Variants in ADRA1A observed in about 807,000 individuals in gnomAD.
ADRA1A encodes adrenoceptor alpha 1A, also known as alpha-1A adrenergic receptor.
ADRA1A carries 31 observed loss-of-function variants against 29.6 expected under a neutral mutation model. The observed-to-expected ratio is 1.05, with a 90% CI of 0.79 to 1.41. The LOEUF (loss-of-function observed/expected upper bound fraction) is 1.41. Ranked by LOEUF, ADRA1A falls within the 40% of genes most tolerant of loss-of-function variation. ADRA1A has a pLI of 0.00. For synonymous variants in ADRA1A, 311 were observed against 254.3 expected, an observed-to-expected ratio of 1.22 and a Z score of -2.12; for missense variants, 619 against 601.1, an observed-to-expected ratio of 1.03 and a Z score of -0.31.
At chr8:26,807,911 A>T (rs772467448) in intron 2 of ADRA1A, among the ~76,000 whole-genome samples, 3 of 152,120 alleles carry the variant, frequency 2.0e-5, no homozygotes, top group Non-Finnish European at 4.4e-5. Flanking sequence ...TCTCTACACC[A>T]TCACCTCCTG....
chr8:26,772,279 T>C (rs1234771551), intron 2 of ADRA1A: 1 of 152,258 alleles, frequency 6.6e-6, no homozygotes, highest in Non-Finnish European at 1.5e-5. Context: ...TGTTCTTTAT[T>C]CTCTGATTCT....
intron 2 of ADRA1A, among the ~76,000 whole-genome samples, chr8:26,861,184 T>A (rs925364080): frequency 9.2e-5 from 14 of 152,104 alleles, no homozygotes; most frequent in African/African-American, 3.4e-4. Flanking sequence ...CTTGAAACAT[T>A]TTCACTAGGC....
At chr8:26,799,286 G>A (rs1234779387) in intron 2 of ADRA1A, among the ~76,000 whole-genome samples, 1 of 152,098 alleles carries the variant, frequency 6.6e-6, no homozygotes, top group Admixed American at 6.6e-5. Context: ...TCTCCTTCAG[G>A]GCATTTTCTA....
At position 26,831,460 on chromosome 8, in the gene ADRA1A, G is replaced by T. The variant is rs1014850815; in HGVS notation, c.883+32627C>A. On this transcript the variant is annotated intron_variant, in intron 2 of 2. Transcript: ENST00000380573. This position sits in a 1 kb window ranked among gnomAD's most constrained non-coding sequence, Gnocchi z 5.2. ...GCAGACTGATACTGAGCTCTGCTGG[G>T]ATTGCCCAGTACCAACCCCCTGCCC... Among the ~76,000 whole-genome samples the T allele has an allele frequency of 6.6e-6, 1 of 152,138 alleles. No homozygotes were observed. Among genetic ancestry groups the T allele is most frequent in the African/African-American group, 2.4e-5 (1 of 41,438 alleles).
chr8:26,845,477 G>T (rs1312816851), intron 2 of ADRA1A, among the ~76,000 whole-genome samples: 2 of 152,184 alleles, frequency 1.3e-5, no homozygotes, highest in Non-Finnish European at 2.9e-5. Context: ...CTCAAACATT[G>T]CTGGTGGGTA....
intron 2 of ADRA1A, among the ~76,000 whole-genome samples, chr8:26,749,464 G>T (rs1252267897): frequency 6.6e-6 from 1 of 152,144 alleles, no homozygotes; most frequent in African/African-American, 2.4e-5. Flanking sequence ...TTTCTGTTTT[G>T]TTCACTAATG....
chr8:26,787,208 G>A lies in ADRA1A; in HGVS notation c.884-16542C>T, dbSNP rs1300956930. 6.6e-6 allele frequency among the ~76,000 whole-genome samples: 1 copy of A among 152,112 alleles called. No individual in the cohort carries two copies. The highest frequency in any genetic ancestry group is 2.4e-5 in the African/African-American group (1 of 41,416). ...TTGCTGGCTTTATAGTGAAAATAGT[G>A]CACAGAGCCATAGTACTTGAAGTTC... is the stretch of plus-strand genomic sequence containing the variant. On this transcript the variant is annotated intron_variant, in intron 2 of 2. Coordinates refer to ENST00000380573, the MANE Select transcript of ADRA1A (RefSeq NM_000680.4). The surrounding 1 kb of genome is among the most constrained non-coding windows in gnomAD (Gnocchi z 4.2).
At chr8:26,813,933 A>G (rs964418656) in intron 2 of ADRA1A, among the ~76,000 whole-genome samples, 1 of 152,160 alleles carries the variant, frequency 6.6e-6, no homozygotes, top group Non-Finnish European at 1.5e-5. Context: ...TTTCTCTACA[A>G]GTGACATGGA....
chr8:26,846,555 G>T (rs943964929), intron 2 of ADRA1A, among the ~76,000 whole-genome samples: 7 of 152,168 alleles, frequency 4.6e-5, no homozygotes, highest in Non-Finnish European at 7.3e-5. Context: ...GATCACTTGA[G>T]GTCAGGAGTT....
intron 2 of ADRA1A, among the ~76,000 whole-genome samples, chr8:26,808,942 G>A (rs1364903811): frequency 6.6e-6 from 1 of 152,160 alleles, no homozygotes; most frequent in Non-Finnish European, 1.5e-5. Context: ...GCCATTAGAG[G>A]TATCCCAATG....
chr8:26,838,390 C>A (rs1224318615), intron 2 of ADRA1A, among the ~76,000 whole-genome samples: 1 of 152,164 alleles, frequency 6.6e-6, no homozygotes, highest in African/African-American at 2.4e-5. Context: ...GACCCTTCAC[C>A]CCGCTGCTCA....
chr8:26,848,948 C>T lies in ADRA1A; in HGVS notation c.883+15139G>A, dbSNP rs1236046659. ...GAATCGCACTGCGGGTGACCCACTTCTGCTTCACACTCTGATATCCCCATG... is the reference window on the plus strand; with the variant it reads ...GAATCGCACTGCGGGTGACCCACTTTTGCTTCACACTCTGATATCCCCATG... On this transcript the variant is annotated intron_variant, in intron 2 of 2. Coordinates refer to ENST00000380573, the MANE Select transcript of ADRA1A (RefSeq NM_000680.4). The surrounding 1 kb of genome is among the most constrained non-coding windows in gnomAD (Gnocchi z 4.3). Among the ~76,000 whole-genome samples, 1 of 152,172 alleles carries T rather than the reference C, an allele frequency of 6.6e-6. No individual in the cohort carries two copies. Among genetic ancestry groups the T allele is most frequent in the Non-Finnish European group, 1.5e-5 (1 of 68,032 alleles).
chr8:26,794,041 T>C (rs1367339555), intron 2 of ADRA1A, among the ~76,000 whole-genome samples: 5 of 152,060 alleles, frequency 3.3e-5, no homozygotes, highest in South Asian at 4.2e-4. Context: ...AGAAATGAAG[T>C]TGAAATACAA....
downstream of ADRA1A, among the ~76,000 whole-genome samples, chr8:26,767,913 T>G (rs1256322027): frequency 1.3e-5 from 2 of 152,188 alleles, no homozygotes; most frequent in African/African-American, 4.8e-5. Context: ...ATATTCAAGT[T>G]CTTCATAGAT....
chr8:26,777,999 A>G (rs956670466), intron 2 of ADRA1A, among the ~76,000 whole-genome samples: 7 of 152,230 alleles, frequency 4.6e-5, no homozygotes, highest in African/African-American at 1.4e-4. Flanking sequence ...CATCCCTCAA[A>G]CTTCTGCAAG....
intron 2 of ADRA1A, among the ~76,000 whole-genome samples, chr8:26,818,013 AG>A (rs1350090404): frequency 6.6e-6 from 1 of 152,250 alleles, no homozygotes; most frequent in African/African-American, 2.4e-5. Context: ...AGCAACAGGA[AG>A]GAACATCCCA....
downstream of ADRA1A, among the ~76,000 whole-genome samples, chr8:26,751,839 G>A (rs929831156): frequency 2.6e-5 from 4 of 152,138 alleles, no homozygotes; most frequent in Admixed American, 1.3e-4. Context: ...TTATTATCTC[G>A]TTTTACAGGT....
intron 2 of ADRA1A, among the ~76,000 whole-genome samples, chr8:26,811,643 T>C (rs1809406635): frequency 6.6e-6 from 1 of 152,242 alleles, no homozygotes; most frequent in Admixed American, 6.5e-5. Context: ...CTCTTAAATT[T>C]CTTCTATGTT....
chr8:26,843,747 A>G (rs13266949), intron 2 of ADRA1A, among the ~76,000 whole-genome samples: 4 of 152,166 alleles, frequency 2.6e-5, no homozygotes, highest in Non-Finnish European at 5.9e-5. Context: ...GGGCATTTTC[A>G]TCTTAAGGGA....
Sources: gnomAD v4.1 joint callset for allele counts (sites outside exome capture counted in the v4.1 genomes callset) on GRCh38, gnomAD v4.1.1 for gene constraint, Gnocchi (gnomAD v3.1) non-coding constraint, MANE v1.5 for transcripts, NCBI Gene and HGNC (gene_info 2026-07-23, HGNC 2026-07-21) for gene names.